The following AADACL4 variants were observed in gnomAD, a reference collection of about 807,000 sequenced individuals.
AADACL4 encodes arylacetamide deacetylase-like 4.
AADACL4 carries 9 observed loss-of-function variants against 14.1 expected under a neutral mutation model. The observed-to-expected ratio is 0.64, with a 90% CI of 0.39 to 1.12. The LOEUF (loss-of-function observed/expected upper bound fraction) is 1.12. AADACL4 is among the 50% of genes most tolerant of loss of function. The probability of loss-of-function intolerance (pLI) is 0.01; values close to 1 mark genes in which losing one functional copy is unlikely to be tolerated. For missense variants in AADACL4, 531 were observed against 516.1 expected, an observed-to-expected ratio of 1.03 and a Z score of -0.28; for synonymous variants, 188 against 201.6, an observed-to-expected ratio of 0.93 and a Z score of 0.57.
chr1:12,648,703 A>T (rs1005557390), intron 1 of AADACL4, among the ~76,000 whole-genome samples: 2 of 151,630 alleles, frequency 1.3e-5, no homozygotes, highest in Admixed American at 6.6e-5. Context: ...ACTCCTGGCC[A>T]CTGGACCTCA....
chr1:12,651,390 T>C (rs1436819996), intron 2 of AADACL4, 51 bp downstream of exon 2: 2 of 1,563,708 alleles, frequency 1.3e-6, no homozygotes, highest in Non-Finnish European at 1.8e-6. Flanking sequence ...TCTGCATGCA[T>C]AGCCTAGCTC....
intron 2 of AADACL4, among the ~76,000 whole-genome samples, chr1:12,657,480 G>T (rs993620763): frequency 1.3e-5 from 2 of 152,122 alleles, no homozygotes; most frequent in Non-Finnish European, 2.9e-5. Context: ...GTTGACCCTC[G>T]CCAGTGTTCA....
At chr1:12,648,525 C>T (rs4631709) in intron 1 of AADACL4, among the ~76,000 whole-genome samples, 11,346 of 151,122 alleles carry the variant, frequency 0.075, 688 homozygotes, top group African/African-American at 0.17. Flanking sequence ...GCCTCTTGAG[C>T]AGCTGGGACC....
chr1:12,649,229 G>T (rs554706292), intron 1 of AADACL4, among the ~76,000 whole-genome samples: 1 of 152,196 alleles, frequency 6.6e-6, no homozygotes, highest in East Asian at 1.9e-4. Context: ...ATGGCCCCAC[G>T]TGAACATGAC....
intron 3 of AADACL4, among the ~76,000 whole-genome samples, chr1:12,663,193 T>A (rs74635725): frequency 1.3e-5 from 2 of 152,032 alleles, no homozygotes; most frequent in African/African-American, 4.8e-5. Flanking sequence ...AGAAGATGGG[T>A]CTTTTGACCT....
At position 12,665,967 on chromosome 1, in the gene AADACL4, C is replaced by G; in HGVS notation, c.456C>G (p.Arg152=). The G allele has an allele frequency of 6.2e-7, 1 of 1,603,732 alleles. No homozygotes were observed. Among genetic ancestry groups the G allele is most frequent in the South Asian group, 1.1e-5 (1 of 90,288 alleles). ...CTCCCTGTTTTCGTTTTAGGTACCG[C>G]AAGCTTCCTGACCACCATTCCCCTG... ...TESVLLMIGY[R]KLPDHHSPAL... is the part of the protein sequence containing the mutation. The change falls in exon 4 of 4, where the codon CGC becomes CGG. Residue 152 remains arginine, a synonymous_variant. Coordinates refer to ENST00000376221, the MANE Select transcript of AADACL4 (RefSeq NM_001013630.2).
At position 12,651,188 on chromosome 1, in the gene AADACL4, C is replaced by A. The variant is rs781754032; in HGVS notation, c.234C>A (p.Ser78Arg). 1 of 1,614,164 alleles carries A rather than the reference C, an allele frequency of 6.2e-7. No homozygotes were observed. The highest frequency in any genetic ancestry group is 2.2e-5 in the East Asian group (1 of 44,886). The change falls in exon 2 of 4, where the codon AGC becomes AGA. Residue 78 changes from serine (S) to arginine (R), a missense_variant. Physicochemically the swap from Ser to Arg is moderately radical, Grantham distance 110. Transcript: ENST00000376221. ...AATTTATTCGTTTTTTACATGATAGCGTGAGAATTAAAAAGGACCCTGAAC... is the reference window on the plus strand; with the variant it reads ...AATTTATTCGTTTTTTACATGATAGAGTGAGAATTAAAAAGGACCCTGAAC... ...MPKFIRFLHDSVRIKKDPELV... is the reference protein window; with the variant it reads ...MPKFIRFLHDRVRIKKDPELV...
rs532528471 is a variant in AADACL4, at chr1:12,664,721, A to G, written c.450-1240A>G. Among the ~76,000 whole-genome samples the G allele has an allele frequency of 8.5e-4, 129 of 152,346 alleles. 1 individual carries two copies. The highest frequency in any genetic ancestry group is 1.9e-3 in the African/African-American group (79 of 41,594). On this transcript the variant is annotated intron_variant, in intron 3 of 3. Coordinates refer to ENST00000376221, the MANE Select transcript of AADACL4 (RefSeq NM_001013630.2). The stretch of plus-strand genomic sequence containing the variant: ...TGATTAGCAGCCACTTCAACTTAAC[A>G]TTTAAGAGAACAATTATTTAGATAA...
chr1:12,646,009 G>C (rs1365688990), intron 1 of AADACL4, among the ~76,000 whole-genome samples: 1 of 152,328 alleles, frequency 6.6e-6, no homozygotes, highest in Non-Finnish European at 1.5e-5. Context: ...GGGGTTTGGG[G>C]TGGACCAGCA....
chr1:12,647,045 G>A (rs1284893598), intron 1 of AADACL4, among the ~76,000 whole-genome samples: 5 of 151,800 alleles, frequency 3.3e-5, no homozygotes, highest in Admixed American at 6.6e-5. Context: ...CTCGTTTTGT[G>A]GACTCATGTT....
chr1:12,656,480 G>C (rs1012314130), intron 2 of AADACL4, among the ~76,000 whole-genome samples: 2 of 152,200 alleles, frequency 1.3e-5, no homozygotes, highest in Non-Finnish European at 2.9e-5. Context: ...TAAAGCTTGG[G>C]AGTAGAGATG....
At chr1:12,659,501 ATAAG>A (rs1647210544) in intron 2 of AADACL4, among the ~76,000 whole-genome samples, 1 of 152,202 alleles carries the variant, frequency 6.6e-6, no homozygotes, top group Non-Finnish European at 1.5e-5. Context: ...ATTAATCAAG[ATAAG>A]TAATATTTTA....
At chr1:12,646,123 T>C (rs553682229) in intron 1 of AADACL4, among the ~76,000 whole-genome samples, 1 of 152,132 alleles carries the variant, frequency 6.6e-6, no homozygotes, top group Non-Finnish European at 1.5e-5. Context: ...GGAGACCTTA[T>C]AGAAGCCAAA....
At chr1:12,655,238 C>G (rs776060232) in intron 2 of AADACL4, among the ~76,000 whole-genome samples, 2 of 152,112 alleles carry the variant, frequency 1.3e-5, no homozygotes, top group Non-Finnish European at 2.9e-5. Flanking sequence ...ACCTGTGACA[C>G]TGTAGTTTTT....
At chr1:12,648,561 T>G (rs1349140885) in intron 1 of AADACL4, among the ~76,000 whole-genome samples, 6 of 124,532 alleles carry the variant, frequency 4.8e-5, no homozygotes, top group South Asian at 2.6e-4. Flanking sequence ...TGTGCCTGGG[T>G]TTTTTTTTTT....
chr1:12,662,729 C>T (rs564487867), intron 3 of AADACL4, among the ~76,000 whole-genome samples: 13 of 152,288 alleles, frequency 8.5e-5, no homozygotes, highest in African/African-American at 2.9e-4. Context: ...TGCCCCTAGG[C>T]TTTGGTAGAC....
chr1:12,661,083 T>C (rs1647223165), intron 2 of AADACL4, among the ~76,000 whole-genome samples: 1 of 152,128 alleles, frequency 6.6e-6, no homozygotes, highest in African/African-American at 2.4e-5. Flanking sequence ...CATTGTCATC[T>C]CCCTCAAAGA....
chr1:12,660,641 A>G (rs991245589), intron 2 of AADACL4, among the ~76,000 whole-genome samples: 1 of 152,048 alleles, frequency 6.6e-6, no homozygotes, highest in Non-Finnish European at 1.5e-5. Context: ...GGCAGGACCC[A>G]GGCATCAGCA....
At chr1:12,663,615 A>G (rs1647265954) in intron 3 of AADACL4, among the ~76,000 whole-genome samples, 1 of 152,216 alleles carries the variant, frequency 6.6e-6, no homozygotes, top group Non-Finnish European at 1.5e-5. Context: ...AGAGAAGTGT[A>G]GGGAGGCACA....
Sources: allele counts gnomAD v4.1 joint callset (sites outside exome capture counted in the v4.1 genomes callset), GRCh38; gene constraint gnomAD v4.1.1; transcripts MANE v1.5; gene names NCBI Gene and HGNC (gene_info 2026-07-23, HGNC 2026-07-21).